Variants in JAM2 observed in about 807,000 individuals in gnomAD.
The protein encoded by JAM2 is junctional adhesion molecule 2, also known as junctional adhesion molecule B.
A neutral mutation model predicts 42.0 loss-of-function variants in JAM2; 17 were observed. The ratio of observed to expected loss-of-function variants is 0.40; its 90% confidence interval spans 0.28 to 0.61. The LOEUF (loss-of-function observed/expected upper bound fraction) is 0.61. Among genes scored for constraint, JAM2 ranks in the 20% least tolerant of loss-of-function variants. The pLI is 0.37. For synonymous variants in JAM2, 118 were observed against 128.6 expected, an observed-to-expected ratio of 0.92 and a Z score of 0.56; for missense variants, 319 against 358.3, an observed-to-expected ratio of 0.89 and a Z score of 0.89.
intron 1 of JAM2, among the ~76,000 whole-genome samples, chr21:25,657,162 A>G (rs2032960514): frequency 6.6e-6 from 1 of 152,090 alleles, no homozygotes; most frequent in South Asian, 2.1e-4. Context: ...GCAGTGGTGC[A>G]ATAATAGCCT....
At chr21:25,714,610 T>A in intron 9 of JAM2, 30 bp from the exon 10 acceptor site, 1 of 1,298,800 alleles carries the variant, frequency 7.7e-7, no homozygotes, top group Non-Finnish European at 1.1e-6. Flanking sequence ...AATTCATATA[T>A]TTAAACCTGT....
intron 5 of JAM2, among the ~76,000 whole-genome samples, chr21:25,701,432 C>T (rs1164255818): frequency 6.6e-6 from 1 of 151,142 alleles, no homozygotes; most frequent in African/African-American, 2.4e-5. Context: ...TTCCTTTCTC[C>T]CTCCCTCCCT....
chr21:25,655,506 A>C (rs2032910053), intron 1 of JAM2, among the ~76,000 whole-genome samples: 1 of 143,716 alleles, frequency 7.0e-6, no homozygotes, highest in Non-Finnish European at 1.5e-5. Flanking sequence ...TTTGAGACGG[A>C]GTCTCACTCT....
chr21:25,705,489 C>T (rs1248515268), intron 6 of JAM2, among the ~76,000 whole-genome samples: 3 of 152,192 alleles, frequency 2.0e-5, no homozygotes, highest in Middle Eastern at 3.2e-3. Flanking sequence ...CCTCCCACCT[C>T]AGCCTCCTGA....
At chr21:25,698,196 C>G (rs1452783533) in intron 4 of JAM2, among the ~76,000 whole-genome samples, 2 of 152,104 alleles carry the variant, frequency 1.3e-5, no homozygotes, top group Non-Finnish European at 2.9e-5. Flanking sequence ...TTAAGTAAAG[C>G]CTAAATAGTT....
intron 2 of JAM2, among the ~76,000 whole-genome samples, chr21:25,687,926 C>T (rs554336948): frequency 1.1e-3 from 164 of 152,310 alleles, no homozygotes; most frequent in African/African-American, 3.7e-3. Context: ...CAACTGCTAA[C>T]GTACTAAGTA....
At chr21:25,661,164 A>G (rs753793952) in intron 1 of JAM2, among the ~76,000 whole-genome samples, 1 of 152,148 alleles carries the variant, frequency 6.6e-6, no homozygotes, top group Non-Finnish European at 1.5e-5. Flanking sequence ...TTAACATTAT[A>G]AGTGTACACC....
Position 25,715,807 on chromosome 21 carries a change from G to A in JAM2, c.*1135G>A, listed in dbSNP as rs192173306. 9.9e-5 allele frequency: 15 copies of A among 152,210 alleles called. No individual in the cohort carries two copies. Among genetic ancestry groups the A allele is most frequent in the Middle Eastern group, 3.4e-3 (1 of 294 alleles). The allele number at this position is 152,210 out of a possible 1,614,324, so 9.4% of individuals were successfully genotyped here. Reference sequence around the variant, plus strand: ...TACAATGTGAAAATTCCAATGATCCGTTTACCAGAGCAATTAGACTATGTT... The same window carrying A: ...TACAATGTGAAAATTCCAATGATCCATTTACCAGAGCAATTAGACTATGTT... On this transcript the variant is annotated 3_prime_UTR_variant, in exon 10 of 10. Coordinates refer to ENST00000480456, the MANE Select transcript of JAM2 (RefSeq NM_021219.4).
intron 1 of JAM2, among the ~76,000 whole-genome samples, chr21:25,654,081 T>C (rs933141175): frequency 6.6e-6 from 1 of 152,218 alleles, no homozygotes; most frequent in Non-Finnish European, 1.5e-5. Context: ...TAAATACTTA[T>C]CTTTATTCTG....
At chr21:25,705,952 T>A in intron 6 of JAM2, 27 bp from the exon 7 acceptor site, 1 of 1,443,352 alleles carries the variant, frequency 6.9e-7, no homozygotes, top group Non-Finnish European at 9.8e-7. Flanking sequence ...CCACATATAT[T>A]TATGCGTAAT....
chr21:25,699,770 TTAAG>T (rs2034128222), intron 5 of JAM2, among the ~76,000 whole-genome samples: 2 of 149,168 alleles, frequency 1.3e-5, no homozygotes, highest in African/African-American at 4.9e-5. Context: ...TGCTGCCTTC[TTAAG>T]TAACAGTGCC....
At chr21:25,680,620 G>A (rs184517846) in intron 1 of JAM2, among the ~76,000 whole-genome samples, 147 of 152,360 alleles carry the variant, frequency 9.6e-4, no homozygotes, top group African/African-American at 3.3e-3. Flanking sequence ...ATGTCCAGCA[G>A]AAAGCTGGGC....
chr21:25,705,719 T>G (rs1442011576), intron 6 of JAM2, among the ~76,000 whole-genome samples: 2 of 152,252 alleles, frequency 1.3e-5, no homozygotes, highest in East Asian at 3.8e-4. Context: ...TCCAAATGAA[T>G]GCAAAAGAAT....
At chr21:25,699,017 G>A (rs2034102808) in intron 5 of JAM2, 138 bp downstream of exon 5, 1 of 713,562 alleles carries the variant, frequency 1.4e-6, no homozygotes, top group East Asian at 2.7e-5. Context: ...CAGGAAAGAT[G>A]GCAGCACTTG....
rs1345442331 is a variant in JAM2 at position 25,717,174 on chromosome 21, C to A, written c.*2502C>A. Reference sequence around the variant, plus strand: ...GTATAAAAGAATGTTTTCCCCCACACAAAGGGCAGAGTATTGAGCACTAAT... The same window carrying A: ...GTATAAAAGAATGTTTTCCCCCACAAAAAGGGCAGAGTATTGAGCACTAAT... On this transcript the variant is annotated 3_prime_UTR_variant, in exon 10 of 10. Transcript: ENST00000480456. 2 of 152,532 alleles carry A rather than the reference C, an allele frequency of 1.3e-5. No homozygotes were observed. The highest frequency in any genetic ancestry group is 2.9e-5 in the Non-Finnish European group (2 of 68,302). 9.4% of individuals were successfully genotyped at this position (152,532 alleles called of 1,614,324 possible).
intron 1 of JAM2, among the ~76,000 whole-genome samples, chr21:25,679,954 C>A (rs1321105954): frequency 1.3e-5 from 2 of 152,142 alleles, no homozygotes; most frequent in Non-Finnish European, 2.9e-5. Context: ...ATGATCATGG[C>A]CATGTTTCTT....
intron 1 of JAM2, among the ~76,000 whole-genome samples, chr21:25,678,725 T>C (rs1279466675): frequency 6.6e-6 from 1 of 152,232 alleles, no homozygotes; most frequent in Non-Finnish European, 1.5e-5. Flanking sequence ...TGTTTGCCAT[T>C]TAGAGCTATT....
At chr21:25,660,784 T>TATATATATATATATATATA (rs2033066688) in intron 1 of JAM2, among the ~76,000 whole-genome samples, 3 of 25,514 alleles carry the variant, frequency 1.2e-4, no homozygotes, top group African/African-American at 2.3e-4. Flanking sequence ...ATATATATAT[T>TATATATATATATATATATA]TTTTTTTTTT....
chr21:25,695,191 C>T (rs1372245353), intron 4 of JAM2, among the ~76,000 whole-genome samples: 2 of 152,132 alleles, frequency 1.3e-5, no homozygotes, highest in East Asian at 1.9e-4. Flanking sequence ...TCTTAAGGAG[C>T]ATGCTGCCTT....
Sources: allele counts gnomAD v4.1 joint callset (sites outside exome capture counted in the v4.1 genomes callset), GRCh38; gene constraint gnomAD v4.1.1; transcripts MANE v1.5; gene names NCBI Gene and HGNC (gene_info 2026-07-23, HGNC 2026-07-21).